The following RIPK4 variants were observed in gnomAD, a reference collection of about 807,000 sequenced individuals.
RIPK4 encodes the protein receptor interacting serine/threonine kinase 4.
A neutral mutation model predicts 42.9 loss-of-function variants in RIPK4; 17 were observed. That is an observed-to-expected ratio of 0.40 (90% confidence interval 0.27 to 0.59). RIPK4 has a LOEUF of 0.59. Among genes scored for constraint, RIPK4 ranks in the 20% least tolerant of loss-of-function variants. The pLI is 0.47. For missense variants in RIPK4, 897 were observed against 1,104.4 expected (o/e 0.81, Z 2.66); for synonymous variants, 498 against 499.1 (o/e 1.00, Z 0.03).
At chr21:41,748,084 G>A (rs1046039163) in intron 4 of RIPK4, among the ~76,000 whole-genome samples, 1 of 152,208 alleles carries the variant, frequency 6.6e-6, no homozygotes. Flanking sequence ...GCCACTGTGC[G>A]GGAGAACGTA....
In RIPK4 at chr21:41,755,366, C is replaced by T. The variant is rs188818305; in HGVS notation, c.474+1159G>A. On this transcript the variant is annotated intron_variant, in intron 2 of 7. Coordinates refer to ENST00000332512, the MANE Select transcript of RIPK4 (RefSeq NM_020639.3). The surrounding 1 kb of genome is among the most constrained non-coding windows in gnomAD (Gnocchi z 4.2). ...TTACTGCCCGAAGTGAAAAATTGACCTCCTCACCACCGCCCTGGCTGAGCA... is the reference window on the plus strand; with the variant it reads ...TTACTGCCCGAAGTGAAAAATTGACTTCCTCACCACCGCCCTGGCTGAGCA... Among the ~76,000 whole-genome samples the T allele has an allele frequency of 1.3e-5, 2 of 152,276 alleles. No individual in the cohort carries two copies. Among genetic ancestry groups the T allele is most frequent in the East Asian group, 3.9e-4 (2 of 5,180 alleles).
At chr21:41,748,724 C>T (rs752726121) in intron 4 of RIPK4, among the ~76,000 whole-genome samples, 1 of 152,156 alleles carries the variant, frequency 6.6e-6, no homozygotes, top group African/African-American at 2.4e-5. Context: ...AGGCAAACCC[C>T]TGGAGACAGA....
At chr21:41,750,003 G>C (rs1257768541) in intron 3 of RIPK4, among the ~76,000 whole-genome samples, 1 of 151,896 alleles carries the variant, frequency 6.6e-6, no homozygotes, top group Admixed American at 6.6e-5. Context: ...TCGAAAATTA[G>C]TTCAAACGGC....
Position 41,740,980 on chromosome 21 carries a change from G to A in RIPK4, c.2213C>T (p.Ala738Val), listed in dbSNP as rs540810080. 14 of 1,611,590 alleles carry A rather than the reference G, an allele frequency of 8.7e-6. No individual in the cohort carries two copies. The highest frequency in any genetic ancestry group is 2.2e-5 in the South Asian group (2 of 91,054). The change falls in exon 8 of 8, where the codon GCG (alanine) becomes GTG (valine). Residue 738 changes from alanine (A) to valine (V), a missense_variant. Transcript: ENST00000332512. ...CCGGCCCTGGGCGGCCAGGTGCAGCGCGCTGAGCCCCTGCTCGTCGAACAG... is the reference window on the plus strand; with the variant it reads ...CCGGCCCTGGGCGGCCAGGTGCAGCACGCTGAGCCCCTGCTCGTCGAACAG... ...IDLFDEQGLSALHLAAQGRHA... is the reference protein window; with the variant it reads ...IDLFDEQGLSVLHLAAQGRHA...
rs567183773 is a variant in RIPK4, at chr21:41,755,652, C to T, written c.474+873G>A. ...CTACATGGATCCGGACCATGGCTCT[C>T]GGCTCCTTCTCACTCCCAGGGCAGA... On this transcript the variant is annotated intron_variant, in intron 2 of 7. Coordinates refer to ENST00000332512, the MANE Select transcript of RIPK4 (RefSeq NM_020639.3). The surrounding 1 kb of genome is among the most constrained non-coding windows in gnomAD (Gnocchi z 4.2). Among the ~76,000 whole-genome samples the T allele has an allele frequency of 2.4e-3, 370 of 152,326 alleles. 3 individuals carry two copies. Among genetic ancestry groups the T allele is most frequent in the Non-Finnish European group, 2.0e-3 (139 of 68,020 alleles).
At chr21:41,764,340 A>T (rs1182751195) in intron 1 of RIPK4, among the ~76,000 whole-genome samples, 1 of 152,150 alleles carries the variant, frequency 6.6e-6, no homozygotes, top group Non-Finnish European at 1.5e-5. Context: ...GGCCAGTGAA[A>T]ATCAGCCTCA....
rs946112088 is a variant in RIPK4, at chr21:41,746,126, A to AG, written c.833-265dup. The stretch of plus-strand genomic sequence containing the variant: ...GCGCCACCTGCCAGTCACAGGGAGC[A>AG]GAGCTGCCAGCACCTGGCGGATGAG... On this transcript the variant is annotated intron_variant, in intron 5 of 7. Coordinates refer to ENST00000332512, the MANE Select transcript of RIPK4 (RefSeq NM_020639.3). 1.7e-5 allele frequency: 12 copies of AG among 687,094 alleles called. No homozygotes were observed. In the African/African-American group the frequency reaches 2.1e-4, roughly 12 times the overall value. 42.6% of individuals were successfully genotyped at this position (687,094 alleles called of 1,614,324 possible). A position where few individuals can be genotyped will look rare whatever the true frequency, so the allele number is the denominator to read the frequency against.
At chr21:41,744,520 A>C (rs2061164776) in intron 6 of RIPK4, among the ~76,000 whole-genome samples, 1 of 152,252 alleles carries the variant, frequency 6.6e-6, no homozygotes, top group Admixed American at 6.5e-5. Flanking sequence ...AGACATCTTA[A>C]GGAAAGATAG....
chr21:41,763,887 A>C (rs1286881757), intron 1 of RIPK4, among the ~76,000 whole-genome samples: 1 of 151,986 alleles, frequency 6.6e-6, no homozygotes, highest in Non-Finnish European at 1.5e-5. Context: ...CTGGTAGGGG[A>C]GGAACGGGGC....
rs6586238 is a variant in RIPK4 at position 41,766,883 on chromosome 21, C to G, written c.159G>C (p.Ser53=). 3.7e-6 allele frequency: 6 copies of G among 1,609,760 alleles called. No homozygotes were observed. Among genetic ancestry groups the G allele is most frequent in the Admixed American group, 1.7e-5 (1 of 59,886 alleles). ...ACCTGTCGTCGACGTGCAGGCTGGG[C>G]GAGCACTTGATGGCCAGCCAGGTCT... is the stretch of plus-strand genomic sequence containing the variant. ...HWKTWLAIKC[S]PSLHVDDRER... is the part of the protein sequence containing the mutation. Residue 53 remains serine (S), a synonymous_variant, in exon 1 of 8, where the codon TCG becomes TCC. Coordinates refer to ENST00000332512, the MANE Select transcript of RIPK4 (RefSeq NM_020639.3).
rs937734204 is a variant in RIPK4 at position 41,740,871 on chromosome 21, G to A, written c.2322C>T (p.Pro774=). Residue 774 remains proline, a synonymous_variant, in exon 8 of 8, where the codon CCC becomes CCT. Coordinates refer to ENST00000332512, the MANE Select transcript of RIPK4 (RefSeq NM_020639.3). ...TGCTTCGCCGCAGGAGCGTGGCGGC[G>A]GGGCCATGGCCGCCCTGGAACTTGA... ...QSLKFQGGHG[P]AATLLRRSKT 8.1e-6 allele frequency: 13 copies of A among 1,610,172 alleles called. No homozygotes were observed. In the Middle Eastern group the frequency reaches 5.0e-4, roughly 62 times the overall value.
At chr21:41,743,191 T>C (rs548673708) in intron 7 of RIPK4, among the ~76,000 whole-genome samples, 90 of 151,900 alleles carry the variant, frequency 5.9e-4, no homozygotes, top group African/African-American at 2.1e-3. Context: ...CCATCAGAGC[T>C]GCAGCCCCTT....
In RIPK4 at chr21:41,749,483, G is replaced by A. The variant is rs939469929; in HGVS notation, c.624-280C>T. 2.6e-5 allele frequency among the ~76,000 whole-genome samples: 4 copies of A among 152,226 alleles called. No individual in the cohort carries two copies. In the South Asian group the frequency reaches 6.2e-4, roughly 24 times the overall value. ...TTCCAAAGAGGGTGCCACCCTATGC[G>A]GGGCGTGAGCTCCTGGGGAACAGCG... On this transcript the variant is annotated intron_variant, in intron 3 of 7. Transcript: ENST00000332512.
At position 41,742,655 on chromosome 21, in the gene RIPK4, C is replaced by T. The variant is rs956553555; in HGVS notation, c.1196-658G>A. Among the ~76,000 whole-genome samples, 8 of 152,206 alleles carry T rather than the reference C, an allele frequency of 5.3e-5. No homozygotes were observed. Among genetic ancestry groups the T allele is most frequent in the Admixed American group, 2.6e-4 (4 of 15,286 alleles). ...GAAACCCTGCAACGAGACTCTCCTC[C>T]GCCCTCATGTGAAACGCGTGGGGAC... On this transcript the variant is annotated intron_variant, in intron 7 of 7. Coordinates refer to ENST00000332512, the MANE Select transcript of RIPK4 (RefSeq NM_020639.3). This position sits in a 1 kb window ranked among gnomAD's most constrained non-coding sequence, Gnocchi z 5.1.
At chr21:41,758,383 C>T (rs796637763) in intron 1 of RIPK4, among the ~76,000 whole-genome samples, 2 of 152,266 alleles carry the variant, frequency 1.3e-5, no homozygotes, top group South Asian at 2.1e-4. Flanking sequence ...CACACTGTAA[C>T]ATATATCAAA....
Position 41,749,182 on chromosome 21 carries a change from G to A in RIPK4, c.645C>T (p.Gly215=), listed in dbSNP as rs769057256. 8.7e-6 allele frequency: 14 copies of A among 1,613,646 alleles called. No individual in the cohort carries two copies. The highest frequency in any genetic ancestry group is 5.0e-5 in the Admixed American group (3 of 59,996). ...DVYSFAIVIW[G]VLTQKKPFAD... ...CAAACGGCTTCTTCTGTGTGAGCAC[G>A]CCCCAGATGACGATCGCAAAGCTGG... Residue 215 remains glycine, a synonymous_variant, in exon 4 of 8, where the codon GGC becomes GGT. Transcript: ENST00000332512.
At chr21:41,762,563 G>A (rs1016120103) in intron 1 of RIPK4, among the ~76,000 whole-genome samples, 3 of 152,236 alleles carry the variant, frequency 2.0e-5, no homozygotes, top group African/African-American at 7.2e-5. Flanking sequence ...CAATAAGCCT[G>A]AAAGGGCCTC....
intron 1 of RIPK4, among the ~76,000 whole-genome samples, chr21:41,763,598 C>T (rs988411149): frequency 6.6e-6 from 1 of 152,238 alleles, no homozygotes; most frequent in Non-Finnish European, 1.5e-5. Context: ...CAGGAAAATG[C>T]AGCCGGAAAA....
Position 41,741,607 on chromosome 21 carries a change from G to A in RIPK4, c.1586C>T (p.Ser529Leu), listed in dbSNP as rs766787567. Residue 529 changes from serine (S) to leucine (L), a missense_variant, in exon 8 of 8, where the codon TCG (serine) becomes TTG (leucine). By Grantham distance (145) the Ser-to-Leu change is moderately radical. Coordinates refer to ENST00000332512, the MANE Select transcript of RIPK4 (RefSeq NM_020639.3). ...STRLLLEKNA[S>L]VNEVDFEGRT... ...GCCCTCAAAGTCCACCTCGTTGACCGAGGCGTTCTTCTCCAACAGCAGCCG... is the reference window on the plus strand; with the variant it reads ...GCCCTCAAAGTCCACCTCGTTGACCAAGGCGTTCTTCTCCAACAGCAGCCG... The A allele has an allele frequency of 6.8e-6, 11 of 1,612,430 alleles. No homozygotes were observed. Among genetic ancestry groups the A allele is most frequent in the East Asian group, 2.2e-5 (1 of 44,896 alleles).
Sources: gnomAD v4.1 joint callset for allele counts (sites outside exome capture counted in the v4.1 genomes callset) on GRCh38, gnomAD v4.1.1 for gene constraint, Gnocchi (gnomAD v3.1) non-coding constraint, MANE v1.5 for transcripts, NCBI Gene and HGNC (gene_info 2026-07-23, HGNC 2026-07-21) for gene names.